Variants in SNTA1 observed in about 807,000 individuals in gnomAD.
SNTA1 encodes the protein alpha-1-syntrophin.
SNTA1 carries 31 observed loss-of-function variants against 47.1 expected under a neutral mutation model. The ratio of observed to expected loss-of-function variants is 0.66; its 90% CI spans 0.49 to 0.89. The LOEUF (loss-of-function observed/expected upper bound fraction) is 0.89. Ranked by LOEUF, SNTA1 falls within the 40% of genes least tolerant of loss-of-function variation. SNTA1 has a pLI of 0.00. For missense variants in SNTA1, 575 were observed against 693.0 expected, an observed-to-expected ratio of 0.83 and a Z score of 1.91; for synonymous variants, 300 against 313.6, an observed-to-expected ratio of 0.96 and a Z score of 0.46.
At chr20:33,441,734 G>A (rs1197273501) in intron 1 of SNTA1, among the ~76,000 whole-genome samples, 1 of 152,142 alleles carries the variant, frequency 6.6e-6, no homozygotes, top group Non-Finnish European at 1.5e-5. Context: ...GAATTATGGA[G>A]CTGGGGAGTA....
At chr20:33,440,833 G>A (rs1343704959) in intron 1 of SNTA1, among the ~76,000 whole-genome samples, 1 of 152,118 alleles carries the variant, frequency 6.6e-6, no homozygotes, top group Non-Finnish European at 1.5e-5. Flanking sequence ...CACACAAAAA[G>A]GCAACAATGT....
chr20:33,413,624 G>T (rs1048408472), intron 3 of SNTA1, among the ~76,000 whole-genome samples: 4 of 148,934 alleles, frequency 2.7e-5, no homozygotes, highest in African/African-American at 7.4e-5. Flanking sequence ...ATAAGAGCAG[G>T]GGAAAAAAAA....
intron 2 of SNTA1, among the ~76,000 whole-genome samples, chr20:33,429,875 G>C (rs1236596416): frequency 2.6e-5 from 4 of 152,032 alleles, no homozygotes; most frequent in African/African-American, 4.8e-5. Flanking sequence ...TGATCCTTCA[G>C]CCTCAGCATC....
rs753535656 is a variant in SNTA1 at position 33,410,249 on chromosome 20, C to T, written c.1123G>A (p.Gly375Ser). The change falls in exon 6 of 8, where the codon GGT (glycine) becomes AGT (serine). Residue 375 changes from glycine (G) to serine (S), a missense_variant. Physicochemically the swap from Gly to Ser is moderately conservative, Grantham distance 56. Transcript: ENST00000217381. ...SFALRTGTRH[G>S]VDTHLFSVES... ...ACGCTGAACAGGTGAGTGTCCACAC[C>T]GTGACGCGTGCCCGTGCGCAGGGCA... 9.9e-6 allele frequency: 16 copies of T among 1,613,414 alleles called. No homozygotes were observed. The East Asian group carries it at 2.7e-4, about 27-fold the overall frequency.
At chr20:33,412,187 T>C in intron 5 of SNTA1, 109 bp downstream of exon 5, 1 of 1,247,140 alleles carries the variant, frequency 8.0e-7, no homozygotes, top group African/African-American at 1.5e-5. Context: ...TCAGGTCACC[T>C]GGGGAATAGC....
At position 33,412,337 on chromosome 20, in the gene SNTA1, G is replaced by A; in HGVS notation, c.999C>T (p.Ala333=). 1 of 1,612,240 alleles carries A rather than the reference G, an allele frequency of 6.2e-7. No individual in the cohort carries two copies. The highest frequency in any genetic ancestry group is 8.5e-7 in the Non-Finnish European group (1 of 1,179,608). Residue 333 remains alanine (A), a synonymous_variant, in exon 5 of 8, where the codon GCC becomes GCT. Coordinates refer to ENST00000217381, the MANE Select transcript of SNTA1 (RefSeq NM_003098.3). The part of the protein sequence containing the change: ...LYLSLPETRE[A]LSRPARTAPL... ...GGGCAGTACGGGCTGGCCGGCTCAG[G>A]GCCTCGCGGGTCTCGGGGAGAGACA...
intron 2 of SNTA1, among the ~76,000 whole-genome samples, chr20:33,420,121 G>A (rs1441219386): frequency 2.6e-5 from 4 of 151,900 alleles, no homozygotes; most frequent in Admixed American, 6.6e-5. Flanking sequence ...ATGGGGTTTC[G>A]CCATGTTGGC....
At chr20:33,409,921 G>A (rs1377584608) in intron 6 of SNTA1, among the ~76,000 whole-genome samples, 1 of 152,014 alleles carries the variant, frequency 6.6e-6, no homozygotes, top group Non-Finnish European at 1.5e-5. Context: ...GTGAGCCACC[G>A]CACCTGGCCA....
At chr20:33,421,459 A>G (rs1312409449) in intron 2 of SNTA1, among the ~76,000 whole-genome samples, 1 of 151,750 alleles carries the variant, frequency 6.6e-6, no homozygotes, top group East Asian at 2.0e-4. Flanking sequence ...AAAAATACAA[A>G]AATTAGCCAG....
chr20:33,426,401 G>GGATC (rs1990170680), intron 2 of SNTA1, among the ~76,000 whole-genome samples: 1 of 144,352 alleles, frequency 6.9e-6, no homozygotes, highest in African/African-American at 2.6e-5. Context: ...CAGTGAGCCA[G>GGATC]GATCGCCCCA....
rs1398480607 is a variant in SNTA1, at chr20:33,410,287, G to A, written c.1085C>T (p.Ala362Val). 1.9e-6 allele frequency: 3 copies of A among 1,610,978 alleles called. No homozygotes were observed. Among genetic ancestry groups the A allele is most frequent in the Non-Finnish European group, 2.5e-6 (3 of 1,179,326 alleles). Residue 362 changes from alanine to valine, a missense_variant, in exon 6 of 8, where the codon GCA becomes GTA. By Grantham distance (64) the Ala-to-Val change is moderately conservative. Transcript: ENST00000217381. The stretch of plus-strand genomic sequence containing the variant: ...CGTGCGCAGGGCAAAAGAGAGCTCT[G>A]CATCGTAGGGCACTGAGCCCTTGGA... Reference protein sequence around the residue: ...GPSKGSVPYDAELSFALRTGT... With the variant: ...GPSKGSVPYDVELSFALRTGT...
chr20:33,434,930 C>G (rs573212732), intron 2 of SNTA1, among the ~76,000 whole-genome samples: 8 of 150,616 alleles, frequency 5.3e-5, no homozygotes, highest in Admixed American at 1.3e-4. Flanking sequence ...AAGGGTCTTA[C>G]CCAAGGCCAA....
chr20:33,414,273 CAG>C (rs1194578078), intron 3 of SNTA1, among the ~76,000 whole-genome samples: 2 of 59,426 alleles, frequency 3.4e-5, no homozygotes, highest in African/African-American at 6.9e-5. Flanking sequence ...AAAAAAAAAA[CAG>C]AAAAACAAAA....
chr20:33,408,753 T>C lies in SNTA1; in HGVS notation c.1373A>G (p.Asp458Gly). ...QPFEKLQMSS[D>G]DGASLLFLDF... is the part of the protein sequence containing the mutation. Reference sequence around the variant, plus strand: ...CAGGAAAAGGAGACTGGCACCGTCATCTGAAGACATCTGCAGCTTCTCGAA... The same window carrying C: ...CAGGAAAAGGAGACTGGCACCGTCACCTGAAGACATCTGCAGCTTCTCGAA... The change falls in exon 7 of 8, where the codon GAT (aspartate) becomes GGT (glycine). Residue 458 changes from aspartate (D) to glycine (G), a missense_variant. By Grantham distance (94) the Asp-to-Gly change is moderately conservative. Coordinates refer to ENST00000217381, the MANE Select transcript of SNTA1 (RefSeq NM_003098.3). 2 of 1,614,124 alleles carry C rather than the reference T, an allele frequency of 1.2e-6. No homozygotes were observed. Among genetic ancestry groups the C allele is most frequent in the Non-Finnish European group, 1.7e-6 (2 of 1,180,022 alleles).
At chr20:33,418,830 A>T (rs1600845809) in intron 2 of SNTA1, among the ~76,000 whole-genome samples, 1 of 133,512 alleles carries the variant, frequency 7.5e-6, no homozygotes, top group Admixed American at 7.6e-5. Flanking sequence ...AAAGACTCCC[A>T]GGCTGGGCAT....
chr20:33,438,351 G>C (rs75659035), intron 2 of SNTA1, among the ~76,000 whole-genome samples: 2 of 151,996 alleles, frequency 1.3e-5, no homozygotes, highest in African/African-American at 4.8e-5. Context: ...AAGGAGGATG[G>C]GTCTTGGGGT....
chr20:33,434,992 T>C (rs1189034771), intron 2 of SNTA1, among the ~76,000 whole-genome samples: 1 of 143,302 alleles, frequency 7.0e-6, no homozygotes, highest in East Asian at 2.1e-4. Context: ...CTTTTTTTTT[T>C]TTTTTTTTTT....
chr20:33,411,689 T>C (rs6088213), intron 5 of SNTA1, among the ~76,000 whole-genome samples: 66,425 of 152,056 alleles, frequency 0.44, 15,193 homozygotes, highest in Non-Finnish European at 0.51. Context: ...AATCAGGCAA[T>C]AGAAGCTCTT....
intron 1 of SNTA1, among the ~76,000 whole-genome samples, 181 bp from the exon 2 acceptor site, chr20:33,439,207 T>C (rs1174804810): frequency 6.6e-6 from 1 of 152,128 alleles, no homozygotes; most frequent in African/African-American, 2.4e-5. Context: ...GTAACACTAA[T>C]AATAAATCAT....
Sources: gnomAD v4.1 joint callset for allele counts (sites outside exome capture counted in the v4.1 genomes callset) on GRCh38, gnomAD v4.1.1 for gene constraint, MANE v1.5 for transcripts, NCBI Gene and HGNC (gene_info 2026-07-23, HGNC 2026-07-21) for gene names.